The following NREP variants were observed in gnomAD, a reference collection of about 807,000 sequenced individuals.
NREP encodes the protein neuronal regeneration-related protein.
Under a neutral mutation model 8.6 loss-of-function variants are expected in NREP, and 5 were observed. The observed-to-expected ratio is 0.58, with a 90% CI of 0.30 to 1.22. NREP has a LOEUF of 1.22. Among genes scored for constraint, NREP ranks in the 50% most tolerant of loss-of-function variants. The pLI is 0.07. For missense variants in NREP, 86 were observed against 82.5 expected, an observed-to-expected ratio of 1.04 and a Z score of -0.17; for synonymous variants, 27 against 28.0, an observed-to-expected ratio of 0.96 and a Z score of 0.11.
chr5:111,935,016 G>T (rs1216035097), intron 2 of NREP, among the ~76,000 whole-genome samples: 1 of 151,986 alleles, frequency 6.6e-6, no homozygotes, highest in Non-Finnish European at 1.5e-5. Flanking sequence ...GGTGTGGAAG[G>T]GCCATCAGGG....
intron 2 of NREP, among the ~76,000 whole-genome samples, chr5:111,839,398 A>G (rs1284033270): frequency 6.6e-6 from 1 of 152,128 alleles, no homozygotes; most frequent in Non-Finnish European, 1.5e-5. Context: ...TGTACATCAC[A>G]TCCAAGGACA....
chr5:111,818,870 G>T (rs1028784791), intron 2 of NREP, among the ~76,000 whole-genome samples: 1 of 152,132 alleles, frequency 6.6e-6, no homozygotes, highest in Non-Finnish European at 1.5e-5. Flanking sequence ...GTATAGTGTG[G>T]AATGGAAAAA....
chr5:111,744,669 C>T (rs999057040), intron 2 of NREP, among the ~76,000 whole-genome samples: 7 of 151,970 alleles, frequency 4.6e-5, no homozygotes, highest in African/African-American at 1.7e-4. Flanking sequence ...TCCGGCAGTA[C>T]CATGTGAGGC....
intron 2 of NREP, among the ~76,000 whole-genome samples, chr5:111,922,935 G>A (rs560623995): frequency 1.3e-5 from 2 of 152,250 alleles, no homozygotes; most frequent in South Asian, 4.1e-4. Flanking sequence ...TTGGCTGCCT[G>A]GTTGGCTAAC....
chr5:111,739,750 G>A (rs1288499545), intron 2 of NREP: 2 of 151,960 alleles, frequency 1.3e-5, no homozygotes, highest in Admixed American at 1.3e-4. Flanking sequence ...TGTTGTTTCG[G>A]TGGTTTGCAT....
At chr5:111,873,908 C>T (rs187528116) in intron 2 of NREP, among the ~76,000 whole-genome samples, 99 of 152,284 alleles carry the variant, frequency 6.5e-4, no homozygotes, top group African/African-American at 2.4e-3. Flanking sequence ...TTCCCACTCT[C>T]TTCCCATTCC....
intron 2 of NREP, among the ~76,000 whole-genome samples, chr5:111,866,543 G>C (rs1753668447): frequency 6.6e-6 from 1 of 152,144 alleles, no homozygotes; most frequent in South Asian, 2.1e-4. Context: ...TTACACTGTT[G>C]GTGGGACTGT....
chr5:111,776,121 T>C (rs1461462927), intron 2 of NREP, among the ~76,000 whole-genome samples: 1 of 152,158 alleles, frequency 6.6e-6, no homozygotes, highest in Non-Finnish European at 1.5e-5. Flanking sequence ...TTGAAACACT[T>C]TGGAGAGCAA....
chr5:111,795,811 G>A (rs926078066), intron 2 of NREP, among the ~76,000 whole-genome samples: 1 of 152,168 alleles, frequency 6.6e-6, no homozygotes, highest in South Asian at 2.1e-4. Context: ...ATGGAAAGCA[G>A]AATAGAAAGC....
chr5:111,757,615 G>A (rs1190821250), upstream of NREP: 2 of 983,276 alleles, frequency 2.0e-6, no homozygotes, highest in East Asian at 1.1e-4. Context: ...ACAGGCGCGC[G>A]CGCCCCGACA....
At chr5:111,955,469 GA>G (rs576072237) in intron 2 of NREP, among the ~76,000 whole-genome samples, 23 of 93,540 alleles carry the variant, frequency 2.5e-4, no homozygotes, top group South Asian at 1.1e-3. Flanking sequence ...GGCCAATACA[GA>G]AAAAAAAAAA....
chr5:111,757,598 G>GCGGC (rs1396804894), upstream of NREP: 4 of 983,600 alleles, frequency 4.1e-6, no homozygotes, highest in African/African-American at 7.0e-5. Flanking sequence ...CCGTCGGCGA[G>GCGGC]CGGCCAACAG....
rs1561622645 is a variant in NREP, at chr5:111,729,731, T to TAAG, written c.*1189_*1190insCTT. 1.7e-4 allele frequency: 26 copies of TAAG among 152,570 alleles called. No homozygotes were observed. The highest frequency in any genetic ancestry group is 6.0e-4 in the African/African-American group (25 of 41,472). 9.5% of individuals were successfully genotyped at this position (152,570 alleles called of 1,614,324 possible). ...ACAACATTCCATGAGTAGATGGTAA[T>TAAG]TTATTTTTGTTTATCCATTTCGTTG... On this transcript the variant is annotated 3_prime_UTR_variant, in exon 4 of 4. Coordinates refer to ENST00000257435, the MANE Select transcript of NREP (RefSeq NM_004772.4).
intron 2 of NREP, among the ~76,000 whole-genome samples, chr5:111,850,600 T>C (rs1266696860): frequency 2.0e-5 from 3 of 152,144 alleles, no homozygotes; most frequent in African/African-American, 7.2e-5. Flanking sequence ...CCTTCATCTC[T>C]TGTGTCTTGT....
chr5:111,799,762 G>A (rs1248476180), intron 2 of NREP, among the ~76,000 whole-genome samples: 2 of 152,172 alleles, frequency 1.3e-5, no homozygotes, highest in Non-Finnish European at 2.9e-5. Flanking sequence ...GGCAAAGGGT[G>A]TTATTTACTT....
intron 2 of NREP, among the ~76,000 whole-genome samples, chr5:111,847,325 T>C (rs888389275): frequency 1.3e-5 from 2 of 152,152 alleles, no homozygotes; most frequent in African/African-American, 4.8e-5. Flanking sequence ...AGAAAGATCT[T>C]GAGTCTCTTT....
At chr5:111,847,390 A>G (rs1561692000) in intron 2 of NREP, among the ~76,000 whole-genome samples, 1 of 152,290 alleles carries the variant, frequency 6.6e-6, no homozygotes, top group East Asian at 1.9e-4. Context: ...TCACGGCCCA[A>G]TCTAACCCTA....
At chr5:111,937,718 T>C in intron 2 of NREP, among the ~76,000 whole-genome samples, 1 of 151,952 alleles carries the variant, frequency 6.6e-6, no homozygotes, top group Non-Finnish European at 1.5e-5. Flanking sequence ...CTTTAAAGGG[T>C]ACTTTTCCAG....
rs950139707 is a variant in NREP, at chr5:111,817,395, T to G, written c.136-81888A>C. Among the ~76,000 whole-genome samples, 6 of 152,308 alleles carry G rather than the reference T, an allele frequency of 3.9e-5. No individual in the cohort carries two copies. In the South Asian group the frequency reaches 1.2e-3, roughly 32 times the overall value. The stretch of plus-strand genomic sequence containing the variant: ...AATTTTTACCTTTAATTTTGATGCA[T>G]GCTGTAAGATTTCTGAAGTTTTTGT... On this transcript the variant is annotated intron_variant, in intron 2 of 3. Coordinates refer to the NREP transcript ENST00000395634.
Sources: gnomAD v4.1 joint callset for allele counts (sites outside exome capture counted in the v4.1 genomes callset) on GRCh38, gnomAD v4.1.1 for gene constraint, MANE v1.5 for transcripts, NCBI Gene and HGNC (gene_info 2026-07-23, HGNC 2026-07-21) for gene names.